The following SYNPO2L variants were observed in gnomAD, a reference collection of about 807,000 sequenced individuals.
The protein encoded by SYNPO2L is synaptopodin 2 like.
In SYNPO2L, 34 loss-of-function variants were observed where a neutral mutation model predicts 47.5. The observed-to-expected ratio is 0.72, with a 90% CI of 0.54 to 0.95. SYNPO2L has a LOEUF of 0.95. Ranked by LOEUF, SYNPO2L falls within the 40% of genes least tolerant of loss-of-function variation. SYNPO2L has a pLI of 0.00. For missense variants in SYNPO2L, 1,246 were observed against 1,282.0 expected (o/e 0.97, Z 0.43); for synonymous variants, 536 against 524.9 (o/e 1.02, Z -0.29).
chr10:73,649,702 G>T (rs2081822555), intron 3 of SYNPO2L: 1 of 985,118 alleles, frequency 1.0e-6, no homozygotes, highest in South Asian at 4.7e-5. Flanking sequence ...TCTTCCCAGA[G>T]ACCTCCCTGC....
intron 3 of SYNPO2L, chr10:73,650,765 A>G: frequency 7.5e-7 from 1 of 1,324,658 alleles, no homozygotes; most frequent in Non-Finnish European, 9.7e-7. Flanking sequence ...AGGGGCAGTG[A>G]AACTCTCCTG....
In SYNPO2L at chr10:73,650,646, A is replaced by T. The variant is rs891703349; in HGVS notation, c.773-1767T>A. On this transcript the variant is annotated intron_variant, in intron 3 of 3. Transcript: ENST00000394810. Reference sequence around the variant, plus strand: ...ATCTTCTCCCATGACTCACACATACATGCCTTCATGTATTCATAATGTACT... The same window carrying T: ...ATCTTCTCCCATGACTCACACATACTTGCCTTCATGTATTCATAATGTACT... 2.1e-5 allele frequency: 20 copies of T among 967,544 alleles called. No homozygotes were observed. In the Admixed American group the frequency reaches 1.2e-3, roughly 57 times the overall value. 59.9% of individuals were successfully genotyped at this position (967,544 alleles called of 1,614,324 possible). A position where few individuals can be genotyped will look rare whatever the true frequency, so the allele number is the denominator to read the frequency against.
chr10:73,647,100 C>G lies in SYNPO2L; in HGVS notation c.2552G>C (p.Arg851Pro), dbSNP rs777987208. 6.2e-7 allele frequency: 1 copy of G among 1,613,690 alleles called. No individual in the cohort carries two copies. Among genetic ancestry groups the G allele is most frequent in the East Asian group, 2.2e-5 (1 of 44,826 alleles). Residue 851 changes from arginine (R) to proline (P), a missense_variant, in exon 4 of 4, where the codon CGG becomes CCG. Physicochemically the swap from Arg to Pro is moderately radical, Grantham distance 103. This residue lies in a region of SYNPO2L where 1,037 missense variants were observed against 1,021.5 expected (regional missense o/e 1.02). Transcript: ENST00000394810. ...KQGIKALDFMRHQPYQLKTAM... is the reference protein window; with the variant it reads ...KQGIKALDFMPHQPYQLKTAM... ...AGTTTTAAGTTGATAGGGCTGATGCCGCATAAAATCTAGAGCCTTGATGCC... is the reference window on the plus strand; with the variant it reads ...AGTTTTAAGTTGATAGGGCTGATGCGGCATAAAATCTAGAGCCTTGATGCC...
At chr10:73,654,430 G>T in intron 1 of SYNPO2L, 150 bp from the exon 2 acceptor site, 2 of 924,794 alleles carry the variant, frequency 2.2e-6, no homozygotes, top group Non-Finnish European at 3.2e-6. Flanking sequence ...AGTTGAAGTG[G>T]CCTGTCTAGA....
chr10:73,654,119 A>G lies in SYNPO2L; in HGVS notation c.257+10T>C. 1.3e-6 allele frequency: 2 copies of G among 1,550,580 alleles called. No homozygotes were observed. The highest frequency in any genetic ancestry group is 1.7e-6 in the Non-Finnish European group (2 of 1,146,174). ...GGATTAGGGGAAGAGAAGAGGAGAGAGGTCCATACCGCTGCACAGTGAGGA... is the reference window on the plus strand; with the variant it reads ...GGATTAGGGGAAGAGAAGAGGAGAGGGGTCCATACCGCTGCACAGTGAGGA... On this transcript the variant is annotated intron_variant, in intron 2 of 3. Coordinates refer to ENST00000394810, the MANE Select transcript of SYNPO2L (RefSeq NM_001114133.3).
chr10:73,654,114 G>A lies in SYNPO2L; in HGVS notation c.257+15C>T, dbSNP rs1166602663. 1 of 1,550,536 alleles carries A rather than the reference G, an allele frequency of 6.4e-7. No individual in the cohort carries two copies. Among genetic ancestry groups the A allele is most frequent in the Admixed American group, 2.0e-5 (1 of 50,954 alleles). On this transcript the variant is annotated intron_variant, in intron 2 of 3. Coordinates refer to ENST00000394810, the MANE Select transcript of SYNPO2L (RefSeq NM_001114133.3). The stretch of plus-strand genomic sequence containing the variant: ...GCCCTGGATTAGGGGAAGAGAAGAG[G>A]AGAGAGGTCCATACCGCTGCACAGT...
chr10:73,655,703 C>CCCCCCCTTT, intron 1 of SYNPO2L, 115 bp downstream of exon 1: 1 of 213,248 alleles, frequency 4.7e-6, no homozygotes, highest in Non-Finnish European at 9.8e-6. Flanking sequence ...CACCACCCAC[C>CCCCCCCTTT]CCATCTTCAC....
intron 3 of SYNPO2L, 41 bp downstream of exon 3, chr10:73,653,098 T>C: frequency 1.4e-6 from 2 of 1,436,744 alleles, no homozygotes; most frequent in Non-Finnish European, 1.8e-6. Context: ...AAGGCTCAGA[T>C]TGAAGGATCC....
In SYNPO2L at chr10:73,651,070, GC is replaced by G. The variant is rs553815180; in HGVS notation, c.772+2068del. 28 of 1,543,564 alleles carry G rather than the reference GC, an allele frequency of 1.8e-5. No homozygotes were observed. In the African/African-American group the frequency reaches 3.6e-4, roughly 20 times the overall value. ...TGAGCCACCCCCCACGCCTTTTAAA[GC>G]CCCTTTGTCTTGTCCCCAGAGCTGG... On this transcript the variant is annotated intron_variant, in intron 3 of 3. Coordinates refer to ENST00000394810, the MANE Select transcript of SYNPO2L (RefSeq NM_001114133.3).
chr10:73,648,871 G>C lies in SYNPO2L; in HGVS notation c.781C>G (p.Arg261Gly). ...CTCTTCTCTTGGAGGCTCTCTGCAC[G>C]TTGCAGTTCTGGGGAGGCCAAGAGG... ...TQKAKQAKLQ[R>G]AESLQEKSIK... Residue 261 changes from arginine to glycine, a missense_variant, in exon 4 of 4, where the codon CGT becomes GGT. Physicochemically the swap from Arg to Gly is moderately radical, Grantham distance 125. Around this residue, in one of 3 missense-constraint regions of SYNPO2L, gnomAD observed 1,037 missense variants for 1,021.5 expected, o/e 1.02. Coordinates refer to ENST00000394810, the MANE Select transcript of SYNPO2L (RefSeq NM_001114133.3). 1 of 1,516,082 alleles carries C rather than the reference G, an allele frequency of 6.6e-7. No homozygotes were observed. Among genetic ancestry groups the C allele is most frequent in the East Asian group, 2.3e-5 (1 of 43,960 alleles). 93.9% of individuals were successfully genotyped at this position (1,516,082 alleles called of 1,614,324 possible).
intron 3 of SYNPO2L, 68 bp downstream of exon 3, chr10:73,653,071 T>C: frequency 1.4e-6 from 2 of 1,429,830 alleles, no homozygotes; most frequent in South Asian, 1.7e-5. Context: ...AATGTACGGC[T>C]ATAGAAGGCT....
Position 73,648,470 on chromosome 10 carries a change from C to G in SYNPO2L, c.1182G>C (p.Gln394His). 1.2e-6 allele frequency: 2 copies of G among 1,612,372 alleles called. No homozygotes were observed. Among genetic ancestry groups the G allele is most frequent in the Non-Finnish European group, 1.7e-6 (2 of 1,179,864 alleles). ...SGRGVQLFEQ[Q>H]RQRADSSTQE... ...GGGTGCTGGAGTCTGCGCGCTGGCG[C>G]TGCTGTTCAAAGAGCTGCACCCCTC... The change falls in exon 4 of 4, where the codon CAG becomes CAC. Residue 394 changes from glutamine (Q) to histidine (H), a missense_variant. By Grantham distance (24) the Gln-to-His change is conservative. Coordinates refer to ENST00000394810, the MANE Select transcript of SYNPO2L (RefSeq NM_001114133.3).
rs993126841 is a variant in SYNPO2L, at chr10:73,646,305, T to TG, written c.*412dup. 1.0e-6 allele frequency: 1 copy of TG among 996,796 alleles called. No individual in the cohort carries two copies. The highest frequency in any genetic ancestry group is 1.7e-5 in the African/African-American group (1 of 57,454). The allele number at this position is 996,796 out of a possible 1,614,324, so 61.7% of individuals were successfully genotyped here. A position where few individuals can be genotyped will look rare whatever the true frequency, so the allele number is the denominator to read the frequency against. On this transcript the variant is annotated 3_prime_UTR_variant, in exon 4 of 4. Coordinates refer to ENST00000394810, the MANE Select transcript of SYNPO2L (RefSeq NM_001114133.3). The stretch of plus-strand genomic sequence containing the variant: ...CAAACAGGGGTCAGTTCAGTCCCTT[T>TG]GCTGTGTGCCTGGTGGTGAGCTTCT...
chr10:73,650,813 A>G, intron 3 of SYNPO2L: 1 of 1,432,452 alleles, frequency 7.0e-7, no homozygotes, highest in Non-Finnish European at 9.2e-7. Flanking sequence ...GGAACAAGAG[A>G]GTAAGACCTT....
Position 73,645,984 on chromosome 10 carries a change from C to G in SYNPO2L, c.*734G>C, listed in dbSNP as rs1189469490. On this transcript the variant is annotated 3_prime_UTR_variant, in exon 4 of 4. Coordinates refer to ENST00000394810, the MANE Select transcript of SYNPO2L (RefSeq NM_001114133.3). Reference sequence around the variant, plus strand: ...GGACTACAGGCGCTCGCCACCACGCCCAGCTAATTTTTTGTATTTTTAGTG... The same window carrying G: ...GGACTACAGGCGCTCGCCACCACGCGCAGCTAATTTTTTGTATTTTTAGTG... 1 of 869,318 alleles carries G rather than the reference C, an allele frequency of 1.2e-6. No homozygotes were observed. Among genetic ancestry groups the G allele is most frequent in the Admixed American group, 6.2e-5 (1 of 16,110 alleles). 53.9% of individuals were successfully genotyped at this position (869,318 alleles called of 1,614,324 possible). A position where few individuals can be genotyped will look rare whatever the true frequency, so the allele number is the denominator to read the frequency against.
In SYNPO2L at chr10:73,655,881, T is replaced by G. The variant is rs1419597626; in HGVS notation, c.42A>C (p.Gly14=). Reference sequence around the variant, plus strand: ...CATGAAGTCGGAAGCCCCAGGGGGCTCCCCCTGATAGTGTGACCAGCACCT... The same window carrying G: ...CATGAAGTCGGAAGCCCCAGGGGGCGCCCCCTGATAGTGTGACCAGCACCT... ...EEEVLVTLSG[G]APWGFRLHGG... Residue 14 remains glycine, a synonymous_variant, in exon 1 of 4, where the codon GGA becomes GGC. Transcript: ENST00000394810. 2 of 1,550,636 alleles carry G rather than the reference T, an allele frequency of 1.3e-6. No homozygotes were observed. Among genetic ancestry groups the G allele is most frequent in the Non-Finnish European group, 1.7e-6 (2 of 1,146,760 alleles).
In SYNPO2L at chr10:73,655,990, A is replaced by G; in HGVS notation, c.-68T>C. On this transcript the variant is annotated 5_prime_UTR_variant, in exon 1 of 4. Transcript: ENST00000394810. ...CCAGGAGAGAAGTTGAGGTGCTCGAACCCCGTCTGGGCTTCCTGTCCGGCT... is the reference window on the plus strand; with the variant it reads ...CCAGGAGAGAAGTTGAGGTGCTCGAGCCCCGTCTGGGCTTCCTGTCCGGCT... 7.4e-7 allele frequency: 1 copy of G among 1,346,196 alleles called. No individual in the cohort carries two copies. The highest frequency in any genetic ancestry group is 1.0e-6 in the Non-Finnish European group (1 of 991,870). 83.4% of individuals were successfully genotyped at this position (1,346,196 alleles called of 1,614,324 possible).
chr10:73,649,886 G>A (rs990362203), intron 3 of SYNPO2L: 2 of 985,394 alleles, frequency 2.0e-6, no homozygotes, highest in Non-Finnish European at 2.4e-6. Flanking sequence ...CAAATCTTTA[G>A]GATACCTCAA....
At position 73,646,615 on chromosome 10, in the gene SYNPO2L, C is replaced by G; in HGVS notation, c.*103G>C. The stretch of plus-strand genomic sequence containing the variant: ...CTTGGAAACCATCTCTGGCAGGAGG[C>G]AATTTAGCTTCCAGATGCGTGACAG... On this transcript the variant is annotated 3_prime_UTR_variant, in exon 4 of 4. Coordinates refer to ENST00000394810, the MANE Select transcript of SYNPO2L (RefSeq NM_001114133.3). 1 of 1,342,996 alleles carries G rather than the reference C, an allele frequency of 7.4e-7. No homozygotes were observed. Among genetic ancestry groups the G allele is most frequent in the Non-Finnish European group, 9.6e-7 (1 of 1,040,530 alleles). The allele number at this position is 1,342,996 out of a possible 1,614,324, so 83.2% of individuals were successfully genotyped here.
Sources: allele counts gnomAD v4.1 joint callset, GRCh38; gene constraint gnomAD v4.1.1; regional missense constraint gnomAD v4.1.1; transcripts MANE v1.5; gene names NCBI Gene and HGNC (gene_info 2026-07-23, HGNC 2026-07-21).